TANC1: variants seen among roughly 807,000 people sequenced by gnomAD.
TANC1 encodes protein TANC1.
TANC1 carries 77 observed loss-of-function variants against 149.7 expected under a neutral mutation model. That is an observed-to-expected ratio of 0.51 (90% CI 0.43 to 0.62). The LOEUF (loss-of-function observed/expected upper bound fraction) is 0.62, where lower values mean the gene tolerates loss of function less well. TANC1 is among the 20% of genes least tolerant of loss of function. The pLI, the probability that TANC1 is intolerant of heterozygous loss-of-function variation, is 0.00. For synonymous variants in TANC1, 854 were observed against 925.0 expected, an observed-to-expected ratio of 0.92 and a Z score of 1.39; for missense variants, 1,985 against 2,321.8, an observed-to-expected ratio of 0.85 and a Z score of 2.98.
chr2:158,986,134 T>C (rs2034975917), intron 1 of TANC1, among the ~76,000 whole-genome samples: 1 of 152,226 alleles, frequency 6.6e-6, no homozygotes, highest in Admixed American at 6.5e-5. Context: ...TGGATCCTAG[T>C]GCAAGAGCTC....
intron 3 of TANC1, among the ~76,000 whole-genome samples, chr2:159,073,294 C>T (rs1273474076): frequency 2.0e-5 from 3 of 152,066 alleles, no homozygotes; most frequent in Admixed American, 1.3e-4. Flanking sequence ...AGATATCTAC[C>T]GTTTATCATT....
intron 4 of TANC1, among the ~76,000 whole-genome samples, chr2:159,116,290 G>A (rs2048234452): frequency 6.6e-6 from 1 of 152,090 alleles, no homozygotes; most frequent in Admixed American, 6.5e-5. Context: ...AGCTGGGTGT[G>A]GTGGCAGATG....
intron 3 of TANC1, among the ~76,000 whole-genome samples, chr2:159,090,578 C>T (rs1002652227): frequency 2.6e-5 from 4 of 152,162 alleles, no homozygotes; most frequent in Admixed American, 6.5e-5. Context: ...GGCAGAGCCA[C>T]GGAATTCAAG....
At chr2:159,122,702 G>A (rs774262444) in intron 4 of TANC1, among the ~76,000 whole-genome samples, 9 of 151,256 alleles carry the variant, frequency 6.0e-5, no homozygotes, top group South Asian at 2.1e-4. Context: ...GGCTTCTTTC[G>A]CTTAGCCTAA....
intron 1 of TANC1, among the ~76,000 whole-genome samples, chr2:158,984,326 A>T (rs1559099865): frequency 6.6e-6 from 1 of 152,228 alleles, no homozygotes; most frequent in Non-Finnish European, 1.5e-5. Context: ...TTTCTAGGAC[A>T]GTGATTGAGA....
chr2:159,138,661 T>C (rs1361788723), intron 5 of TANC1, among the ~76,000 whole-genome samples: 2 of 152,240 alleles, frequency 1.3e-5, no homozygotes, highest in Non-Finnish European at 2.9e-5. Context: ...AAATGTGGTC[T>C]TCTGTTATCT....
At chr2:159,137,102 G>A (rs1202090146) in intron 5 of TANC1, among the ~76,000 whole-genome samples, 1 of 152,148 alleles carries the variant, frequency 6.6e-6, no homozygotes, top group African/African-American at 2.4e-5. Context: ...GTGGACAAAA[G>A]TTTATGTAGC....
rs761845796 is a variant in TANC1, at chr2:159,227,957, A to C, written c.4042A>C (p.Lys1348Gln). The C allele has an allele frequency of 6.2e-7, 1 of 1,612,690 alleles. No homozygotes were observed. The highest frequency in any genetic ancestry group is 8.5e-7 in the Non-Finnish European group (1 of 1,179,702). Residue 1348 changes from lysine (K) to glutamine (Q), a missense_variant, in exon 25 of 27, where the codon AAA becomes CAA. This residue lies in a region of TANC1 where 920 missense variants were observed against 994.7 expected (regional missense o/e 0.92). Transcript: ENST00000263635. ...TCTCAATTTGTCGCGATGCCGAAGA[A>C]AAACAAATGTAAGCTGTGCCCCTTT... ...LYLNLSRCRR[K>Q]TNDFGMAEEF...
At chr2:159,196,267 T>G (rs1224431576) in intron 17 of TANC1, among the ~76,000 whole-genome samples, 3 of 152,308 alleles carry the variant, frequency 2.0e-5, no homozygotes, top group Middle Eastern at 3.4e-3. Context: ...GCAACCAAAG[T>G]TGGGAAATAC....
At chr2:159,145,062 CT>C in intron 5 of TANC1, among the ~76,000 whole-genome samples, 1 of 152,142 alleles carries the variant, frequency 6.6e-6, no homozygotes, top group Non-Finnish European at 1.5e-5. Flanking sequence ...AGTGATAATA[CT>C]TGGTGATCAC....
At chr2:159,111,358 C>G (rs553437313) in intron 4 of TANC1, among the ~76,000 whole-genome samples, 1 of 152,314 alleles carries the variant, frequency 6.6e-6, no homozygotes, top group East Asian at 1.9e-4. Flanking sequence ...AGCTGTGCAA[C>G]ACAGCAGAGA....
At chr2:159,173,328 C>T (rs1445839976) in intron 11 of TANC1, among the ~76,000 whole-genome samples, 5 of 152,200 alleles carry the variant, frequency 3.3e-5, no homozygotes, top group Non-Finnish European at 5.9e-5. Context: ...CAAGGCCGGG[C>T]CTGGCGGCTC....
chr2:159,230,057 AG>A lies in TANC1; in HGVS notation c.4632del (p.Gln1544HisfsTer4), dbSNP rs1436594472. Reference sequence around the variant, plus strand: ...ACCAGCCAGCACCTGGGCTCTGGCCAGTCGGCAGTGAGAAATGGCAGTATGA... The same window carrying A: ...ACCAGCCAGCACCTGGGCTCTGGCCATCGGCAGTGAGAAATGGCAGTATGA... ...VKTSQHLGSG[Q>X]SAVRNGSMKV... is the part of the protein sequence containing the mutation. On this transcript the variant is annotated frameshift_variant, in exon 27 of 27. Coordinates refer to ENST00000263635, the MANE Select transcript of TANC1 (RefSeq NM_033394.3). LOFTEE classifies it low-confidence loss of function (END_TRUNC). The surrounding 1 kb of genome is among the most constrained non-coding windows in gnomAD (Gnocchi z 4.4). 6.2e-7 allele frequency: 1 copy of A among 1,614,078 alleles called. No homozygotes were observed. Among genetic ancestry groups the A allele is most frequent in the Non-Finnish European group, 8.5e-7 (1 of 1,180,044 alleles).
chr2:159,053,826 G>T (rs2041646568), intron 2 of TANC1, among the ~76,000 whole-genome samples: 2 of 152,154 alleles, frequency 1.3e-5, no homozygotes, highest in South Asian at 4.2e-4. Context: ...ACCTCCCAGG[G>T]TTCTCCCCCT....
At chr2:159,158,971 G>A (rs1270198743) in intron 7 of TANC1, among the ~76,000 whole-genome samples, 1 of 152,156 alleles carries the variant, frequency 6.6e-6, no homozygotes, top group African/African-American at 2.4e-5. Context: ...CATATGTTTG[G>A]TATCTCTGGT....
At chr2:159,066,042 T>A in intron 3 of TANC1, 71 bp downstream of exon 3, 1 of 1,227,714 alleles carries the variant, frequency 8.1e-7, no homozygotes, top group Admixed American at 1.7e-5. Context: ...CCAGGCCGGA[T>A]GGATTTGTTG....
At chr2:159,115,391 TC>T (rs1259818766) in intron 4 of TANC1, among the ~76,000 whole-genome samples, 1 of 152,188 alleles carries the variant, frequency 6.6e-6, no homozygotes. Context: ...GTGGCTTAAC[TC>T]TGCAGGGGAA....
At chr2:159,159,903 C>T (rs1298112053) in intron 7 of TANC1, among the ~76,000 whole-genome samples, 3 of 152,064 alleles carry the variant, frequency 2.0e-5, no homozygotes, top group African/African-American at 7.2e-5. Context: ...TGCCTATAGT[C>T]CCAGCTACTT....
rs771268025 is a variant in TANC1 at position 159,175,234 on chromosome 2, A to G, written c.1735+50A>G. On this transcript the variant is annotated intron_variant, in intron 12 of 26. Coordinates refer to ENST00000263635, the MANE Select transcript of TANC1 (RefSeq NM_033394.3). ...CCCCATCTCAGTAGTGGTACAGCAGACACAGGTGGTCCCCAGAAGGCAGGT... is the reference window on the plus strand; with the variant it reads ...CCCCATCTCAGTAGTGGTACAGCAGGCACAGGTGGTCCCCAGAAGGCAGGT... 2.4e-5 allele frequency: 36 copies of G among 1,485,054 alleles called. No homozygotes were observed. In the South Asian group the frequency reaches 3.4e-4, roughly 14 times the overall value. 92.0% of individuals were successfully genotyped at this position (1,485,054 alleles called of 1,614,324 possible). A position where few individuals can be genotyped will look rare whatever the true frequency, so the allele number is the denominator to read the frequency against.
Sources: allele counts gnomAD v4.1 joint callset (sites outside exome capture counted in the v4.1 genomes callset), GRCh38; gene constraint gnomAD v4.1.1; regional missense constraint gnomAD v4.1.1; non-coding constraint Gnocchi (gnomAD v3.1); transcripts MANE v1.5; gene names NCBI Gene and HGNC (gene_info 2026-07-23, HGNC 2026-07-21).